The following EEA1 variants were observed in gnomAD, a reference collection of about 807,000 sequenced individuals.
EEA1 encodes early endosome antigen 1, also known as early endosome antigen 1, 162kD.
In EEA1, 111 loss-of-function variants were observed where a neutral mutation model predicts 209.2. The observed-to-expected ratio is 0.53, with a 90% CI of 0.45 to 0.62. The LOEUF (loss-of-function observed/expected upper bound fraction) is 0.62. Among genes scored for constraint, EEA1 ranks in the 20% least tolerant of loss-of-function variants. The pLI is 0.00. For synonymous variants in EEA1, 536 were observed against 540.6 expected, an observed-to-expected ratio of 0.99 and a Z score of 0.12; for missense variants, 1,343 against 1,530.8, an observed-to-expected ratio of 0.88 and a Z score of 2.05.
intron 2 of EEA1, among the ~76,000 whole-genome samples, chr12:92,877,577 G>A (rs1184514884): frequency 3.9e-5 from 6 of 152,044 alleles, no homozygotes; most frequent in Non-Finnish European, 8.8e-5. Context: ...CACCCAGGCG[G>A]GAGTGCAGTG....
intron 21 of EEA1, among the ~76,000 whole-genome samples, chr12:92,794,822 T>A (rs1874585910): frequency 6.6e-6 from 1 of 151,978 alleles, no homozygotes; most frequent in African/African-American, 2.4e-5. Context: ...ATGGCACATG[T>A]ATACCTATGT....
At chr12:92,879,154 G>C in intron 2 of EEA1, 1 of 308,168 alleles carries the variant, frequency 3.2e-6, no homozygotes, top group Non-Finnish European at 6.2e-6. Flanking sequence ...CAGTATACAG[G>C]CTGAGCACCC....
At chr12:92,804,487 G>C (rs1875090441) in intron 18 of EEA1, among the ~76,000 whole-genome samples, 1 of 148,222 alleles carries the variant, frequency 6.7e-6, no homozygotes, top group East Asian at 2.0e-4. Context: ...CAGGAGAATC[G>C]CTTGAACCCA....
chr12:92,783,398 T>G (rs918217946), intron 22 of EEA1, among the ~76,000 whole-genome samples: 3 of 152,180 alleles, frequency 2.0e-5, no homozygotes, highest in Non-Finnish European at 4.4e-5. Context: ...AAACACAATT[T>G]GAGAGAGTTT....
rs1346460364 is a variant in EEA1 at position 92,775,977 on chromosome 12, T to C, written c.*34A>G. ...AGTACATTTATTAAAAATCTAATGTTAGTGTAATATTACTCTGAAGTTGTG... is the reference window on the plus strand; with the variant it reads ...AGTACATTTATTAAAAATCTAATGTCAGTGTAATATTACTCTGAAGTTGTG... On this transcript the variant is annotated 3_prime_UTR_variant, in exon 29 of 29. Transcript: ENST00000322349. 6.3e-7 allele frequency: 1 copy of C among 1,597,062 alleles called. No individual in the cohort carries two copies. The highest frequency in any genetic ancestry group is 1.3e-5 in the African/African-American group (1 of 74,282).
intron 2 of EEA1, among the ~76,000 whole-genome samples, chr12:92,866,136 G>A (rs1213560725): frequency 7.1e-6 from 1 of 140,560 alleles, no homozygotes; most frequent in Non-Finnish European, 1.5e-5. Flanking sequence ...AGGTTGCAGT[G>A]AGCCAAGATC....
intron 22 of EEA1, among the ~76,000 whole-genome samples, chr12:92,783,371 G>A (rs938444044): frequency 2.6e-5 from 4 of 152,166 alleles, no homozygotes; most frequent in Non-Finnish European, 4.4e-5. Flanking sequence ...GATTGTTGTG[G>A]TGTGAGAGTA....
At chr12:92,801,970 A>G (rs1874937051) in intron 19 of EEA1, among the ~76,000 whole-genome samples, 2 of 152,030 alleles carry the variant, frequency 1.3e-5, no homozygotes, top group Admixed American at 1.3e-4. Flanking sequence ...AACACTTTAG[A>G]AATCACATTT....
At chr12:92,858,211 C>T (rs1030277688) in intron 3 of EEA1, 3 of 704,738 alleles carry the variant, frequency 4.3e-6, no homozygotes, top group African/African-American at 1.7e-5. Flanking sequence ...GTCCTTGATG[C>T]CCACCTTCAA....
chr12:92,844,001 C>T (rs1347490256), intron 9 of EEA1, among the ~76,000 whole-genome samples: 1 of 152,044 alleles, frequency 6.6e-6, no homozygotes, highest in African/African-American at 2.4e-5. Flanking sequence ...TATCCTCATC[C>T]ATTTTATGGT....
At chr12:92,897,461 G>A (rs529782975) in intron 1 of EEA1, among the ~76,000 whole-genome samples, 29 of 152,286 alleles carry the variant, frequency 1.9e-4, no homozygotes, top group Admixed American at 1.4e-3. Context: ...TGAGGTGAGC[G>A]TGAAGTGGCT....
chr12:92,799,835 A>G lies in EEA1; in HGVS notation c.2773-749T>C, dbSNP rs187360170. Among the ~76,000 whole-genome samples the G allele has an allele frequency of 1.8e-3, 273 of 152,198 alleles. 2 individuals are homozygous for G. Among genetic ancestry groups the G allele is most frequent in the African/African-American group, 5.9e-3 (244 of 41,514 alleles). ...AAAATTCTCATATGCCACTAAGCCT[A>G]TTGGCCACAGTTGTCGCAAAGAATA... On this transcript the variant is annotated intron_variant, in intron 20 of 28. Transcript: ENST00000322349.
intron 11 of EEA1, among the ~76,000 whole-genome samples, chr12:92,830,532 G>A (rs2136691222): frequency 6.6e-6 from 1 of 152,060 alleles, no homozygotes; most frequent in Admixed American, 6.5e-5. Flanking sequence ...ATTATAAAAA[G>A]TGACAAGTGA....
In EEA1 at chr12:92,910,326, G is replaced by A. The variant is rs550653304; in HGVS notation, c.25-18605C>T. Among the ~76,000 whole-genome samples, 24 of 150,982 alleles carry A rather than the reference G, an allele frequency of 1.6e-4. 1 individual carries two copies. In the East Asian group the frequency reaches 2.7e-3, roughly 17 times the overall value. ...TCTACTAAAAATACAAAAATTAGCC[G>A]GGCATGGTGGTGCGCACCTGTAATC... is the stretch of plus-strand genomic sequence containing the variant. On this transcript the variant is annotated intron_variant, in intron 1 of 28. Coordinates refer to ENST00000322349, the MANE Select transcript of EEA1 (RefSeq NM_003566.4).
At position 92,774,017 on chromosome 12, in the gene EEA1, T is replaced by C. The variant is rs538139704; in HGVS notation, c.*1994A>G. On this transcript the variant is annotated 3_prime_UTR_variant, in exon 29 of 29. Transcript: ENST00000322349. ...AATTAGGAGACAAAGTAAACAAATATTCAAACCCAGATTTCTCATGGAATT... is the reference window on the plus strand; with the variant it reads ...AATTAGGAGACAAAGTAAACAAATACTCAAACCCAGATTTCTCATGGAATT... 2.9e-4 allele frequency: 41 copies of C among 141,838 alleles called. No homozygotes were observed. The highest frequency in any genetic ancestry group is 1.0e-3 in the African/African-American group (40 of 38,684). The allele number at this position is 141,838 out of a possible 1,614,324, so 8.8% of individuals were successfully genotyped here. A position where few individuals can be genotyped will look rare whatever the true frequency, so the allele number is the denominator to read the frequency against.
At chr12:92,924,878 G>GA (rs1324314002) in intron 1 of EEA1, among the ~76,000 whole-genome samples, 1 of 67,062 alleles carries the variant, frequency 1.5e-5, no homozygotes, top group Non-Finnish European at 3.2e-5. Context: ...TACTCAAAAA[G>GA]AAAATCATTC....
chr12:92,812,920 G>C, intron 16 of EEA1, 60 bp downstream of exon 16: 1 of 1,185,582 alleles, frequency 8.4e-7, no homozygotes, highest in Non-Finnish European at 1.2e-6. Flanking sequence ...TTACATGTTT[G>C]CAATTTATTT....
At chr12:92,779,513 G>A (rs1446118411) in intron 24 of EEA1, among the ~76,000 whole-genome samples, 1 of 151,880 alleles carries the variant, frequency 6.6e-6, no homozygotes, top group East Asian at 1.9e-4. Context: ...TGACAAAAAT[G>A]TATACGTTTT....
Position 92,851,198 on chromosome 12 carries a change from C to A in EEA1, c.711G>T (p.Met237Ile), listed in dbSNP as rs1877615708. Residue 237 changes from methionine (M) to isoleucine (I), a missense_variant, in exon 9 of 29, where the codon ATG (methionine) becomes ATT (isoleucine). Met to Ile is a conservative substitution (Grantham distance 10). Around this residue, in one of 3 missense-constraint regions of EEA1, gnomAD observed 1,307 missense variants for 1,465.5 expected, o/e 0.89. Coordinates refer to ENST00000322349, the MANE Select transcript of EEA1 (RefSeq NM_003566.4). Reference protein sequence around the residue: ...KKELVQVQTLMDNMTLERERE... With the variant: ...KKELVQVQTLIDNMTLERERE... ...GCTCACGTTCCAAGGTCATGTTATCCATTAGTGTTTGAACTTGGACCAGTT... is the reference window on the plus strand; with the variant it reads ...GCTCACGTTCCAAGGTCATGTTATCAATTAGTGTTTGAACTTGGACCAGTT... 3.7e-6 allele frequency: 6 copies of A among 1,613,882 alleles called. No individual in the cohort carries two copies. The highest frequency in any genetic ancestry group is 3.4e-6 in the Non-Finnish European group (4 of 1,179,904).
Sources: allele counts gnomAD v4.1 joint callset (sites outside exome capture counted in the v4.1 genomes callset), GRCh38; gene constraint gnomAD v4.1.1; regional missense constraint gnomAD v4.1.1; transcripts MANE v1.5; gene names NCBI Gene and HGNC (gene_info 2026-07-23, HGNC 2026-07-21).